INTS7: variants seen among roughly 807,000 people sequenced by gnomAD.
INTS7 encodes the protein integrator complex subunit 7.
In INTS7, 46 loss-of-function variants were observed where a neutral mutation model predicts 109.2. That is an observed-to-expected ratio of 0.42 (90% CI 0.33 to 0.54). The LOEUF (loss-of-function observed/expected upper bound fraction) is 0.54, where lower values mean the gene tolerates loss of function less well. Among genes scored for constraint, INTS7 ranks in the 20% least tolerant of loss-of-function variants. The pLI, the probability that INTS7 is intolerant of heterozygous loss-of-function variation, is 0.07. For synonymous variants in INTS7, 412 were observed against 402.9 expected (o/e 1.02, Z -0.27); for missense variants, 929 against 1,132.4 (o/e 0.82, Z 2.58).
At chr1:211,986,755 G>T (rs139248895) in intron 8 of INTS7, among the ~76,000 whole-genome samples, 1,588 of 152,238 alleles carry the variant, frequency 0.01, 12 homozygotes, top group South Asian at 0.022. Context: ...TCAGTCTGTG[G>T]CATGGAAATG....
At position 212,035,218 on chromosome 1, in the gene INTS7, C is replaced by A. The variant is rs1048198055; in HGVS notation, c.94+126G>T. 13 of 694,804 alleles carry A rather than the reference C, an allele frequency of 1.9e-5. No homozygotes were observed. In the African/African-American group the frequency reaches 2.3e-4, roughly 12 times the overall value. The allele number at this position is 694,804 out of a possible 1,614,324, so 43.0% of individuals were successfully genotyped here. A position where few individuals can be genotyped will look rare whatever the true frequency, so the allele number is the denominator to read the frequency against. Reference sequence around the variant, plus strand: ...CAAAGCCCACGCCCCAGCAAAAGCACAGGCGCTCCCCGCCCAGCGAAGACA... The same window carrying A: ...CAAAGCCCACGCCCCAGCAAAAGCAAAGGCGCTCCCCGCCCAGCGAAGACA... On this transcript the variant is annotated intron_variant, in intron 1 of 19. Transcript: ENST00000366994.
rs1203198156 is a variant in INTS7, at chr1:211,978,304, G to A, written c.1438C>T (p.Arg480Ter). ...DLMELYKVIG[R>*]SATDKQQELL... ...TCTTGTTGCTTGTCTGTGGCTGATC[G>A]TCCAATCACCTTGTACAGCTCCATG... Residue 480 changes from arginine (R) to a stop codon, truncating the protein, a stop_gained, in exon 11 of 20, where the codon CGA (arginine) becomes TGA (stop). Coordinates refer to ENST00000366994, the MANE Select transcript of INTS7 (RefSeq NM_015434.4). LOFTEE classifies it high-confidence loss of function. 7 of 1,614,074 alleles carry A rather than the reference G, an allele frequency of 4.3e-6. No individual in the cohort carries two copies. Among genetic ancestry groups the A allele is most frequent in the South Asian group, 1.1e-5 (1 of 91,074 alleles).
rs138421780 is a variant in INTS7, at chr1:212,028,378, T to C, written c.94+6966A>G. ...AAAATCTTACTGAAGAAGGTAGAAG[T>C]GTCTGACCAAAGAAACATAGTAGTA... is the stretch of plus-strand genomic sequence containing the variant. On this transcript the variant is annotated intron_variant, in intron 1 of 19. Transcript: ENST00000366994. 3.0e-4 allele frequency among the ~76,000 whole-genome samples: 45 copies of C among 152,334 alleles called. No individual in the cohort carries two copies. In the East Asian group the frequency reaches 6.7e-3, roughly 23 times the overall value.
In INTS7 at chr1:211,968,531, A is replaced by C. The variant is rs1390073700; in HGVS notation, c.1992T>G (p.Cys664Trp). The change falls in exon 14 of 20, where the codon TGT becomes TGG. Residue 664 changes from cysteine (C) to tryptophan (W), a missense_variant. By Grantham distance (215) the Cys-to-Trp change is radical (BLOSUM62 -2). This residue lies in a region of INTS7 where 787 missense variants were observed against 901.1 expected (regional missense o/e 0.87). Transcript: ENST00000366994. ...AMTLGNDLQR[C>W]GRISNQMKQS... Reference sequence around the variant, plus strand: ...GACATGCCTGATTGGAGATGCGACCACACCTCTGGAGGTCATTTCCTAAGG... The same window carrying C: ...GACATGCCTGATTGGAGATGCGACCCCACCTCTGGAGGTCATTTCCTAAGG... The C allele has an allele frequency of 6.2e-7, 1 of 1,613,126 alleles. No homozygotes were observed. Among genetic ancestry groups the C allele is most frequent in the Non-Finnish European group, 8.5e-7 (1 of 1,179,506 alleles).
intron 7 of INTS7, among the ~76,000 whole-genome samples, chr1:211,998,105 T>TA (rs924120495): frequency 6.6e-6 from 1 of 152,212 alleles, no homozygotes; most frequent in African/African-American, 2.4e-5. Flanking sequence ...ACTGTAAGTG[T>TA]ATACCACTAT....
intron 17 of INTS7, among the ~76,000 whole-genome samples, chr1:211,952,209 C>T (rs985544616): frequency 6.6e-6 from 1 of 152,038 alleles, no homozygotes; most frequent in South Asian, 2.1e-4. Context: ...GGGGTGAGGC[C>T]TGTATATTAA....
intron 15 of INTS7, among the ~76,000 whole-genome samples, chr1:211,966,806 T>G (rs527963666): frequency 6.6e-6 from 1 of 151,806 alleles, no homozygotes; most frequent in African/African-American, 2.4e-5. Flanking sequence ...GATATAGGGG[T>G]TTTTCATAAG....
chr1:212,001,912 C>G (rs1665687469), intron 7 of INTS7, among the ~76,000 whole-genome samples: 1 of 152,194 alleles, frequency 6.6e-6, no homozygotes, highest in Non-Finnish European at 1.5e-5. Flanking sequence ...GTTGAGTCAT[C>G]CAGTCTCATG....
intron 10 of INTS7, 127 bp from the exon 11 acceptor site, chr1:211,978,638 C>T: frequency 2.1e-6 from 2 of 971,800 alleles, no homozygotes; most frequent in South Asian, 1.7e-5. Flanking sequence ...TAACATTTTA[C>T]TTCATAAGAA....
intron 7 of INTS7, among the ~76,000 whole-genome samples, chr1:211,999,789 C>T (rs563175299): frequency 2.1e-4 from 32 of 152,152 alleles, no homozygotes; most frequent in African/African-American, 7.2e-4. Flanking sequence ...GCAAAGCTTC[C>T]GGCAAGTCTA....
chr1:211,981,227 G>A (rs1664651099), intron 9 of INTS7, 37 bp from the exon 10 acceptor site: 1 of 1,344,734 alleles, frequency 7.4e-7, no homozygotes, highest in South Asian at 1.2e-5. Flanking sequence ...ATGGTCAAGT[G>A]ATGTGTGTAC....
intron 4 of INTS7, among the ~76,000 whole-genome samples, chr1:212,013,948 G>A (rs1277704221): frequency 6.6e-6 from 1 of 152,140 alleles, no homozygotes; most frequent in East Asian, 1.9e-4. Flanking sequence ...TAAGAGACGT[G>A]TGACTGAAAT....
chr1:211,981,178 A>G lies in INTS7; in HGVS notation c.1145T>C (p.Leu382Pro), dbSNP rs1166271961. The part of the protein sequence containing the change: ...VSCQEKDLLA[L>P]EQDAVFGLES... Reference sequence around the variant, plus strand: ...CAGGCCAAAGACAGCATCTTGTTCCAGTGCCAAAAGATCTAGAAGAAAAAC... The same window carrying G: ...CAGGCCAAAGACAGCATCTTGTTCCGGTGCCAAAAGATCTAGAAGAAAAAC... Residue 382 changes from leucine to proline, a missense_variant, in exon 10 of 20, where the codon CTG becomes CCG. Physicochemically the swap from Leu to Pro is moderately conservative, Grantham distance 98. This residue lies in a region of INTS7 where 787 missense variants were observed against 901.1 expected (regional missense o/e 0.87). Coordinates refer to ENST00000366994, the MANE Select transcript of INTS7 (RefSeq NM_015434.4). 4.3e-6 allele frequency: 7 copies of G among 1,611,144 alleles called. No homozygotes were observed. The highest frequency in any genetic ancestry group is 5.9e-6 in the Non-Finnish European group (7 of 1,177,446).
intron 16 of INTS7, among the ~76,000 whole-genome samples, chr1:211,958,871 C>T (rs1663481493): frequency 6.6e-6 from 1 of 152,102 alleles, no homozygotes; most frequent in South Asian, 2.1e-4. Flanking sequence ...GAACAGCTAC[C>T]ACCAAGGGAC....
At chr1:212,029,370 G>A (rs894554375) in intron 1 of INTS7, among the ~76,000 whole-genome samples, 2 of 152,180 alleles carry the variant, frequency 1.3e-5, no homozygotes, top group African/African-American at 2.4e-5. Context: ...TAGGAATATC[G>A]TAGCCATTGT....
rs940159769 is a variant in INTS7, at chr1:211,959,508, G to A, written c.2184-6807C>T. Among the ~76,000 whole-genome samples, 8 of 152,164 alleles carry A rather than the reference G, an allele frequency of 5.3e-5. No homozygotes were observed. Among genetic ancestry groups the A allele is most frequent in the Non-Finnish European group, 8.8e-5 (6 of 68,026 alleles). ...GCTCACCTGCTCCCTCCCCGTACTG[G>A]CAGCTTTCCCTGGGCCCATGGCCAC... On this transcript the variant is annotated intron_variant, in intron 16 of 19. Coordinates refer to ENST00000366994, the MANE Select transcript of INTS7 (RefSeq NM_015434.4). This position sits in a 1 kb window ranked among gnomAD's most constrained non-coding sequence, Gnocchi z 4.2.
At chr1:211,948,789 C>G (rs1403014773) in intron 17 of INTS7, among the ~76,000 whole-genome samples, 1 of 152,214 alleles carries the variant, frequency 6.6e-6, no homozygotes, top group African/African-American at 2.4e-5. Flanking sequence ...CTCACTGCAC[C>G]CTCGGCCTCC....
intron 4 of INTS7, among the ~76,000 whole-genome samples, chr1:212,012,186 CGT>C (rs1666191923): frequency 6.6e-6 from 1 of 151,686 alleles, no homozygotes; most frequent in South Asian, 2.1e-4. Context: ...CCCCTGAAAG[CGT>C]GTGAGTTTGT....
intron 7 of INTS7, among the ~76,000 whole-genome samples, chr1:211,993,180 C>A (rs188529698): frequency 6.6e-6 from 1 of 152,312 alleles, no homozygotes; most frequent in East Asian, 1.9e-4. Flanking sequence ...TTTCTGTCTC[C>A]TTTGCAGTTA....
Sources: gnomAD v4.1 joint callset for allele counts (sites outside exome capture counted in the v4.1 genomes callset) on GRCh38, gnomAD v4.1.1 for gene constraint, gnomAD v4.1.1 regional missense constraint, Gnocchi (gnomAD v3.1) non-coding constraint, MANE v1.5 for transcripts, NCBI Gene and HGNC (gene_info 2026-07-23, HGNC 2026-07-21) for gene names.